The following DNAH6 variants were observed in gnomAD, a reference collection of about 807,000 sequenced individuals.
The protein encoded by DNAH6 is axonemal beta dynein heavy chain 6.
DNAH6 carries 340 observed loss-of-function variants against 491.4 expected under a neutral mutation model. That is an observed-to-expected ratio of 0.69 (90% CI 0.63 to 0.76). The LOEUF (loss-of-function observed/expected upper bound fraction) is 0.76, where lower values mean the gene tolerates loss of function less well. DNAH6 is among the 30% of genes least tolerant of loss of function. DNAH6 has a pLI of 0.00. For synonymous variants in DNAH6, 1,603 were observed against 1,686.1 expected, an observed-to-expected ratio of 0.95 and a Z score of 1.21; for missense variants, 4,443 against 4,972.2, an observed-to-expected ratio of 0.89 and a Z score of 3.20.
At chr2:84,594,838 A>T (rs1684424827) in intron 17 of DNAH6, among the ~76,000 whole-genome samples, 1 of 152,250 alleles carries the variant, frequency 6.6e-6, no homozygotes, top group African/African-American at 2.4e-5. Flanking sequence ...GTACCAGTGG[A>T]GAATAAGAAG....
intron 64 of DNAH6, among the ~76,000 whole-genome samples, chr2:84,778,586 A>G (rs1676378752): frequency 6.6e-6 from 1 of 151,054 alleles, no homozygotes; most frequent in African/African-American, 2.4e-5. Flanking sequence ...TGCAGCCTCA[A>G]CCTCCCCAGG....
chr2:84,798,845 C>G (rs1179305967), intron 70 of DNAH6, among the ~76,000 whole-genome samples: 1 of 152,160 alleles, frequency 6.6e-6, no homozygotes, highest in African/African-American at 2.4e-5. Context: ...AGTTCTGGTC[C>G]CAACTCCCCA....
intron 18 of DNAH6, among the ~76,000 whole-genome samples, chr2:84,603,647 A>G (rs943209267): frequency 1.3e-4 from 20 of 152,138 alleles, no homozygotes; most frequent in African/African-American, 4.8e-4. Flanking sequence ...TTTTCCAGCT[A>G]TAGTGCTGAG....
intron 35 of DNAH6, among the ~76,000 whole-genome samples, chr2:84,657,309 G>GT (rs1371102605): frequency 1.8e-4 from 28 of 151,958 alleles, no homozygotes; most frequent in Admixed American, 1.8e-3. Context: ...GTTATTCTGG[G>GT]TTTTTTGCCT....
intron 76 of DNAH6, among the ~76,000 whole-genome samples, chr2:84,816,826 A>G (rs1246390906): frequency 6.6e-6 from 1 of 152,208 alleles, no homozygotes; most frequent in African/African-American, 2.4e-5. Flanking sequence ...CCAGACAGAA[A>G]GAAAGCCACC....
intron 30 of DNAH6, among the ~76,000 whole-genome samples, chr2:84,636,303 G>A (rs1688872614): frequency 6.6e-6 from 1 of 152,176 alleles, no homozygotes; most frequent in Admixed American, 6.5e-5. Context: ...ATGCAGTGTT[G>A]TTTCTTGCTC....
At position 84,548,404 on chromosome 2, in the gene DNAH6, A is replaced by G. The variant is rs1269637130; in HGVS notation, c.1303A>G (p.Met435Val). The G allele has an allele frequency of 2.9e-5, 46 of 1,613,984 alleles. No homozygotes were observed. The highest frequency in any genetic ancestry group is 3.7e-5 in the Non-Finnish European group (44 of 1,179,940). The change falls in exon 8 of 77, where the codon ATG becomes GTG. Residue 435 changes from methionine (M) to valine (V), a missense_variant. Transcript: ENST00000389394. ...ACAGGCCAGCAAAAGGCATTATTGC[A>G]TGAGGCTGACGTGGTAAGATTATTC... Reference protein sequence around the residue: ...TEQASKRHYCMRLTCFIRLND... With the variant: ...TEQASKRHYCVRLTCFIRLND...
intron 9 of DNAH6, among the ~76,000 whole-genome samples, chr2:84,550,820 A>C (rs1679270285): frequency 6.6e-6 from 1 of 152,200 alleles, no homozygotes; most frequent in East Asian, 1.9e-4. Flanking sequence ...GAAAAGTGGT[A>C]TAAATAAAAG....
intron 70 of DNAH6, among the ~76,000 whole-genome samples, chr2:84,798,941 G>A (rs981075293): frequency 7.2e-5 from 11 of 151,952 alleles, no homozygotes; most frequent in African/African-American, 2.7e-4. Context: ...ATATGGCATA[G>A]GTTTGTATGC....
intron 62 of DNAH6, among the ~76,000 whole-genome samples, chr2:84,736,049 G>A (rs1440174951): frequency 6.6e-6 from 1 of 152,090 alleles, no homozygotes; most frequent in African/African-American, 2.4e-5. Context: ...AAGAAGTAGG[G>A]GGTCCAGTTT....
intron 2 of DNAH6, among the ~76,000 whole-genome samples, chr2:84,519,048 AAAAAG>A (rs1218349761): frequency 6.6e-5 from 10 of 152,160 alleles, no homozygotes; most frequent in Admixed American, 5.9e-4. Context: ...CTATCTCTAA[AAAAAG>A]AAAAGAAAAG....
At chr2:84,553,361 TTTCTTTTCTTTC>T (rs1369754806) in intron 10 of DNAH6, among the ~76,000 whole-genome samples, 6 of 9,108 alleles carry the variant, frequency 6.6e-4, no homozygotes, top group Non-Finnish European at 1.3e-3. Flanking sequence ...TTTCTTTTCT[TTTCTTTTCTTTC>T]TTTCTTTCTT....
chr2:84,718,506 C>A, intron 59 of DNAH6, 122 bp downstream of exon 59: 2 of 738,838 alleles, frequency 2.7e-6, no homozygotes, highest in Non-Finnish European at 4.0e-6. Context: ...CTTCCATGGA[C>A]ACACAGACGG....
At chr2:84,463,976 T>C in the DNAH6 span, among the ~76,000 whole-genome samples, 3 of 152,192 alleles carry the variant, frequency 2.0e-5, no homozygotes, top group Admixed American at 2.0e-4. Context: ...CTTACCTTGA[T>C]TTTTTGTGAC....
intron 11 of DNAH6, among the ~76,000 whole-genome samples, chr2:84,571,303 G>A (rs1681841083): frequency 6.6e-6 from 1 of 151,992 alleles, no homozygotes. Context: ...ATAAGAAATG[G>A]GTTATTTACA....
intron 11 of DNAH6, 49 bp downstream of exon 11, chr2:84,557,984 G>A: frequency 8.2e-7 from 1 of 1,214,280 alleles, no homozygotes; most frequent in Middle Eastern, 2.5e-4. Context: ...CAATTTTTAT[G>A]AAATTAAGTA....
At position 84,685,449 on chromosome 2, in the gene DNAH6, A is replaced by G; in HGVS notation, c.7040A>G (p.His2347Arg). ...AATAATGAAGATAAGCACTATTTCC[A>G]TGTTATTCTGACAGAAATGGCCAGT... is the stretch of plus-strand genomic sequence containing the variant. ...LINNEDKHYF[H>R]VILTEMANKH... Residue 2347 changes from histidine (H) to arginine (R), a missense_variant, in exon 43 of 77, where the codon CAT (histidine) becomes CGT (arginine). Physicochemically the swap from His to Arg is conservative, Grantham distance 29 (BLOSUM62 0). Around this residue, in one of 3 missense-constraint regions of DNAH6, gnomAD observed 2,977 missense variants for 3,296.6 expected, o/e 0.90. Transcript: ENST00000389394. The G allele has an allele frequency of 1.7e-5, 25 of 1,488,842 alleles. No individual in the cohort carries two copies. The highest frequency in any genetic ancestry group is 2.2e-5 in the Non-Finnish European group (24 of 1,112,290). 92.2% of individuals were successfully genotyped at this position (1,488,842 alleles called of 1,614,324 possible). A position where few individuals can be genotyped will look rare whatever the true frequency, so the allele number is the denominator to read the frequency against.
Position 84,709,339 on chromosome 2 carries a change from A to G in DNAH6, c.9049-4A>G. 6.4e-7 allele frequency: 1 copy of G among 1,551,464 alleles called. No individual in the cohort carries two copies. The highest frequency in any genetic ancestry group is 8.7e-7 in the Non-Finnish European group (1 of 1,146,938). On this transcript the variant is annotated splice_region_variant and splice_polypyrimidine_tract_variant and intron_variant, in intron 54 of 76. Transcript: ENST00000389394. ...TACTCAAGTAAGCTTTCCCCCTTCT[A>G]CAGCTTATAGAGTGTTGGATCCAGG...
chr2:84,660,585 T>A (rs1384624873), intron 37 of DNAH6, among the ~76,000 whole-genome samples: 1 of 152,054 alleles, frequency 6.6e-6, no homozygotes, highest in Non-Finnish European at 1.5e-5. Flanking sequence ...GGTTTCATGA[T>A]AAGCAGTATT....
Sources: allele counts gnomAD v4.1 joint callset (sites outside exome capture counted in the v4.1 genomes callset), GRCh38; gene constraint gnomAD v4.1.1; regional missense constraint gnomAD v4.1.1; transcripts MANE v1.5; gene names NCBI Gene and HGNC (gene_info 2026-07-23, HGNC 2026-07-21).